Variants in PDE4C observed in about 807,000 individuals in gnomAD.
PDE4C encodes 3',5'-cyclic-AMP phosphodiesterase 4C.
PDE4C carries 50 observed loss-of-function variants against 63.9 expected under a neutral mutation model. The ratio of observed to expected loss-of-function variants is 0.78; its 90% CI spans 0.62 to 0.99. PDE4C has a LOEUF of 0.99. Ranked by LOEUF, PDE4C falls within the 50% of genes least tolerant of loss-of-function variation. The pLI is 0.00. For synonymous variants in PDE4C, 377 were observed against 385.1 expected, an observed-to-expected ratio of 0.98 and a Z score of 0.25; for missense variants, 777 against 899.1, an observed-to-expected ratio of 0.86 and a Z score of 1.74.
At chr19:18,233,061 T>A in exon 1 of PDE4C, 1 of 1,570,278 alleles carries the variant, frequency 6.4e-7, no homozygotes, top group African/African-American at 1.3e-5. Context: ...ATAGAAGCGC[T>A]GTTGGATGCG....
At chr19:18,211,713 T>G (rs768163506) in intron 14 of PDE4C, 46 bp downstream of exon 14, 2 of 1,605,296 alleles carry the variant, frequency 1.2e-6, no homozygotes, top group Non-Finnish European at 1.7e-6. Flanking sequence ...GCCCCTCCTT[T>G]TACTTCCTCC....
chr19:18,211,186 C>A lies in PDE4C; in HGVS notation c.1786G>T (p.Glu596Ter), dbSNP rs1312519079. 1.9e-6 allele frequency: 3 copies of A among 1,613,964 alleles called. No homozygotes were observed. Among genetic ancestry groups the A allele is most frequent in the Non-Finnish European group, 2.5e-6 (3 of 1,179,998 alleles). The change falls in exon 15 of 15, where the codon GAG (glutamate) becomes TAG (stop). Residue 596 changes from glutamate to a stop codon, truncating the protein, a stop_gained. Coordinates refer to ENST00000262805, the Ensembl canonical transcript of PDE4C. LOFTEE classifies it low-confidence loss of function (END_TRUNC). ...CTCTGGTACCACTCTCGATTGTCCT[C>A]CAGCGTGTCCAGCAGGTCCTGTGCA... is the stretch of plus-strand genomic sequence containing the variant.
rs1267653900 is a variant in PDE4C at position 18,246,369 on chromosome 19, G to T, written c.-210+1802C>A. Among the ~76,000 whole-genome samples, 7 of 148,884 alleles carry T rather than the reference G, an allele frequency of 4.7e-5. No homozygotes were observed. In the Admixed American group the frequency reaches 4.7e-4, roughly 10 times the overall value. On this transcript the variant is annotated intron_variant, in intron 1 of 15. Coordinates refer to the PDE4C transcript ENST00000594617. The stretch of plus-strand genomic sequence containing the variant: ...TGGCTATTTTTTTTTTTTTAATAGA[G>T]ATAGGGTCTTACTGTGTTACCCAGG...
At chr19:18,228,863 A>G (rs1248936236), upstream of PDE4C, among the ~76,000 whole-genome samples, 2 of 152,184 alleles carry the variant, frequency 1.3e-5, no homozygotes, top group African/African-American at 4.8e-5. Context: ...CCATCCCTGC[A>G]TTACTGCATC....
intron 1 of PDE4C, among the ~76,000 whole-genome samples, chr19:18,245,490 C>T (rs997117286): frequency 5.9e-5 from 9 of 152,100 alleles, no homozygotes; most frequent in African/African-American, 2.2e-4. Flanking sequence ...AAACCTGCCT[C>T]GGGGCCTTTG....
intron 13 of PDE4C, among the ~76,000 whole-genome samples, chr19:18,213,078 T>C (rs576816165): frequency 1.9e-4 from 28 of 149,286 alleles, no homozygotes; most frequent in Admixed American, 9.3e-4. Flanking sequence ...CGGATCTCAA[T>C]CTCATGGAGA....
At chr19:18,233,080 G>A (rs868153668) in exon 1 of PDE4C, 1 of 1,569,770 alleles carries the variant, frequency 6.4e-7, no homozygotes, top group South Asian at 1.2e-5. Flanking sequence ...CGGATGGGGC[G>A]CCGGGGTTGC....
chr19:18,231,932 G>C (rs1968856429), intron 1 of PDE4C, among the ~76,000 whole-genome samples: 1 of 151,950 alleles, frequency 6.6e-6, no homozygotes, highest in South Asian at 2.1e-4. Context: ...AACTTCCTGT[G>C]CACGAGCTTC....
exon 14 of PDE4C, chr19:18,211,866 C>T (rs754956144): frequency 6.2e-7 from 1 of 1,614,252 alleles, no homozygotes; most frequent in Non-Finnish European, 8.5e-7. Context: ...ATGATGCGGT[C>T]CGTCCACTGG....
upstream of PDE4C, among the ~76,000 whole-genome samples, chr19:18,231,242 T>G (rs1600095450): frequency 6.6e-6 from 1 of 152,318 alleles, no homozygotes; most frequent in East Asian, 1.9e-4. Flanking sequence ...CATCCACGTA[T>G]GTGTGACTGC....
At chr19:18,226,242 C>T (rs1397865126) in intron 1 of PDE4C, 28 bp downstream of exon 1, 2 of 1,537,046 alleles carry the variant, frequency 1.3e-6, no homozygotes. Flanking sequence ...GTCCCGGTGA[C>T]CCCGCCAGGC....
chr19:18,237,369 T>G (rs1254540367), upstream of PDE4C, among the ~76,000 whole-genome samples: 2 of 151,048 alleles, frequency 1.3e-5, no homozygotes, highest in African/African-American at 4.9e-5. Flanking sequence ...CTGACCAACA[T>G]GGAGAAACCC....
intron 1 of PDE4C, among the ~76,000 whole-genome samples, chr19:18,240,437 A>G (rs1969017280): frequency 6.7e-6 from 1 of 149,472 alleles, no homozygotes; most frequent in Middle Eastern, 3.6e-3. Context: ...AAAAAAAAAA[A>G]AAAAACGGGG....
intron 10 of PDE4C, 31 bp from the exon 11 acceptor site, chr19:18,218,279 G>A: frequency 6.2e-7 from 1 of 1,613,468 alleles, no homozygotes; most frequent in Non-Finnish European, 8.5e-7. Context: ...GGCGGTGAGG[G>A]GCGGGTTCTC....
chr19:18,219,272 A>G (rs368559727), exon 8 of PDE4C: 58 of 1,614,052 alleles, frequency 3.6e-5, no homozygotes, highest in Non-Finnish European at 4.6e-5. Flanking sequence ...TGGACCCCAA[A>G]GCGTGGGACA....
upstream of PDE4C, among the ~76,000 whole-genome samples, chr19:18,237,395 T>C (rs1177431805): frequency 6.6e-6 from 1 of 151,334 alleles, no homozygotes; most frequent in Non-Finnish European, 1.5e-5. Context: ...CTACTAAAAA[T>C]ACAACATTAG....
chr19:18,254,911 G>A, the PDE4C span, among the ~76,000 whole-genome samples: 3 of 152,254 alleles, frequency 2.0e-5, no homozygotes, highest in Non-Finnish European at 4.4e-5. Flanking sequence ...TCCCTTTGGG[G>A]ATTGGCTAAA....
At chr19:18,229,495 T>C (rs1403386284), upstream of PDE4C, among the ~76,000 whole-genome samples, 2 of 151,942 alleles carry the variant, frequency 1.3e-5, no homozygotes, top group Non-Finnish European at 2.9e-5. Context: ...TCTGCCTCAG[T>C]CTCCCAAAGT....
At chr19:18,211,925 A>G (rs1184550329) in exon 14 of PDE4C, 6 of 1,613,936 alleles carry the variant, frequency 3.7e-6, no homozygotes, top group Non-Finnish European at 5.1e-6. Flanking sequence ...AGCACAGTGC[A>G]CCAGGTTCTG....
Sources: allele counts gnomAD v4.1 joint callset (sites outside exome capture counted in the v4.1 genomes callset), GRCh38; gene constraint gnomAD v4.1.1; transcripts MANE v1.5; gene names NCBI Gene and HGNC (gene_info 2026-07-23, HGNC 2026-07-21).